Variants in DLAT observed in about 807,000 individuals in gnomAD.
DLAT encodes dihydrolipoamide S-acetyltransferase.
A neutral mutation model predicts 68.0 loss-of-function variants in DLAT; 43 were observed. The observed-to-expected ratio is 0.63, with a 90% CI of 0.50 to 0.81. The LOEUF (loss-of-function observed/expected upper bound fraction) is 0.81, where lower values mean the gene tolerates loss of function less well. Ranked by LOEUF, DLAT falls within the 40% of genes least tolerant of loss-of-function variation. DLAT has a pLI of 0.00. For synonymous variants in DLAT, 265 were observed against 288.6 expected, an observed-to-expected ratio of 0.92 and a Z score of 0.83; for missense variants, 745 against 815.4, an observed-to-expected ratio of 0.91 and a Z score of 1.05.
Position 112,026,238 on chromosome 11 carries a change from C to T in DLAT, c.320C>T (p.Thr107Ile), listed in dbSNP as rs782686992. The change falls in exon 2 of 14, where the codon ACC (threonine) becomes ATC (isoleucine). Residue 107 changes from threonine (T) to isoleucine (I), a missense_variant. Transcript: ENST00000280346. ...CTTTCCCCCACAATGCAGGCAGGCA[C>T]CATAGCCCGTTGGGAAAAAAAAGAG... ...PSLSPTMQAG[T>I]IARWEKKEGD... 8.6e-5 allele frequency: 138 copies of T among 1,611,894 alleles called. No homozygotes were observed. Among genetic ancestry groups the T allele is most frequent in the Non-Finnish European group, 1.1e-4 (134 of 1,179,094 alleles).
intron 11 of DLAT, among the ~76,000 whole-genome samples, chr11:112,053,491 C>T (rs1449668725): frequency 2.0e-5 from 3 of 151,772 alleles, no homozygotes; most frequent in Admixed American, 6.6e-5. Flanking sequence ...CTCTTTCTGT[C>T]GCCTAGGCTA....
chr11:112,052,152 CT>C (rs1351476167), intron 11 of DLAT, among the ~76,000 whole-genome samples: 5 of 152,144 alleles, frequency 3.3e-5, no homozygotes, highest in African/African-American at 1.2e-4. Flanking sequence ...AAAAAACAAA[CT>C]TTTTTCCTTT....
chr11:112,027,828 G>A (rs1862152980), intron 2 of DLAT, among the ~76,000 whole-genome samples: 1 of 151,416 alleles, frequency 6.6e-6, no homozygotes, highest in Non-Finnish European at 1.5e-5. Context: ...CAGGGAGGTT[G>A]CAGTGAGCCG....
At chr11:112,052,698 A>G (rs1863725387) in intron 11 of DLAT, among the ~76,000 whole-genome samples, 1 of 152,064 alleles carries the variant, frequency 6.6e-6, no homozygotes, top group Non-Finnish European at 1.5e-5. Flanking sequence ...CTGGGGAGAA[A>G]AAGGAAAGGA....
chr11:112,038,219 G>A (rs2137757675), intron 6 of DLAT, among the ~76,000 whole-genome samples: 1 of 152,206 alleles, frequency 6.6e-6, no homozygotes, highest in South Asian at 2.1e-4. Context: ...TTGTTGTTGA[G>A]ACGGAGTCTT....
At chr11:112,048,843 G>C (rs1863464825) in intron 10 of DLAT, among the ~76,000 whole-genome samples, 1 of 151,828 alleles carries the variant, frequency 6.6e-6, no homozygotes, top group East Asian at 1.9e-4. Context: ...CTATTTCCAG[G>C]TTCTTAATTC....
At chr11:112,044,041 C>A (rs1388026032) in intron 8 of DLAT, among the ~76,000 whole-genome samples, 2 of 152,146 alleles carry the variant, frequency 1.3e-5, no homozygotes, top group Non-Finnish European at 2.9e-5. Flanking sequence ...CATTTATATA[C>A]AAGATCAAAG....
chr11:112,040,952 C>A (rs1043955852), intron 7 of DLAT, among the ~76,000 whole-genome samples: 1 of 151,724 alleles, frequency 6.6e-6, no homozygotes, highest in Admixed American at 6.6e-5. Flanking sequence ...AAGAAAATCC[C>A]ACTGTTCTTA....
At chr11:112,036,387 AT>A (rs1211158822) in intron 5 of DLAT, among the ~76,000 whole-genome samples, 1 of 149,384 alleles carries the variant, frequency 6.7e-6, no homozygotes, top group Non-Finnish European at 1.5e-5. Context: ...CTAATTTTGT[AT>A]TTTTAGTAGA....
Position 112,032,939 on chromosome 11 carries a change from C to G in DLAT, c.661-465C>G, listed in dbSNP as rs1200847080. ...AAATTAGTGGGCATGATGGCACCCG[C>G]CTGTAATCCAGCTACTCGGGAGGCT... On this transcript the variant is annotated intron_variant, in intron 4 of 13. Transcript: ENST00000280346. Among the ~76,000 whole-genome samples the G allele has an allele frequency of 2.6e-5, 4 of 152,096 alleles. No homozygotes were observed. The East Asian group carries it at 7.7e-4, about 29-fold the overall frequency.
chr11:112,033,597 C>G, intron 5 of DLAT, 67 bp downstream of exon 5: 1 of 1,574,778 alleles, frequency 6.4e-7, no homozygotes, highest in Non-Finnish European at 8.7e-7. Context: ...GATTGCCATT[C>G]TTTCCTATAA....
chr11:112,031,890 T>G (rs1232155514), intron 4 of DLAT, among the ~76,000 whole-genome samples: 3 of 102,340 alleles, frequency 2.9e-5, no homozygotes, highest in South Asian at 7.4e-4. Context: ...TTCCTGTTTT[T>G]TTTTTTTTTT....
At chr11:112,026,096 C>G (rs1427267820) in intron 1 of DLAT, 102 bp from the exon 2 acceptor site, 1 of 958,540 alleles carries the variant, frequency 1.0e-6, no homozygotes, top group East Asian at 2.6e-5. Flanking sequence ...TGCAATGGAA[C>G]TGTATACACT....
At chr11:112,027,893 A>G (rs1862159086) in intron 2 of DLAT, among the ~76,000 whole-genome samples, 1 of 150,172 alleles carries the variant, frequency 6.7e-6, no homozygotes, top group Admixed American at 6.6e-5. Flanking sequence ...GACCGTGGAA[A>G]GAGAGGGAGA....
At position 112,025,632 on chromosome 11, in the gene DLAT, G is replaced by T. The variant is rs782529801; in HGVS notation, c.160G>T (p.Gly54Trp). Reference sequence around the variant, plus strand: ...CAACAGCGTGACTACAGGGTATGGCGGGGTCCGGGCACTGTGCGGCTGGAC... The same window carrying T: ...CAACAGCGTGACTACAGGGTATGGCTGGGTCCGGGCACTGTGCGGCTGGAC... ...RRNSVTTGYG[G>W]VRALCGWTPS... Residue 54 changes from glycine to tryptophan, a missense_variant, in exon 1 of 14, where the codon GGG becomes TGG. Coordinates refer to ENST00000280346, the MANE Select transcript of DLAT (RefSeq NM_001931.5). The T allele has an allele frequency of 4.3e-6, 7 of 1,613,536 alleles. No homozygotes were observed. The Admixed American group carries it at 8.3e-5, about 19-fold the overall frequency.
chr11:112,027,388 C>T (rs1340095355), intron 2 of DLAT, among the ~76,000 whole-genome samples: 2 of 151,466 alleles, frequency 1.3e-5, no homozygotes, highest in Non-Finnish European at 1.5e-5. Context: ...GGATGGCAGC[C>T]GGGCAGAGAC....
chr11:112,041,651 G>A (rs1308764095), intron 7 of DLAT, among the ~76,000 whole-genome samples: 2 of 152,196 alleles, frequency 1.3e-5, no homozygotes. Flanking sequence ...GGGAGGCCGA[G>A]GCAGGTGGAT....
intron 10 of DLAT, among the ~76,000 whole-genome samples, chr11:112,049,736 G>A (rs1863512255): frequency 6.6e-6 from 1 of 151,850 alleles, no homozygotes. Context: ...GATCTATATT[G>A]ACCTTGTATC....
intron 9 of DLAT, among the ~76,000 whole-genome samples, chr11:112,045,585 C>T (rs368316347): frequency 2.6e-5 from 4 of 151,684 alleles, no homozygotes; most frequent in Non-Finnish European, 4.4e-5. Context: ...GTACTCGGGA[C>T]GCTGAGGCAG....
Sources: gnomAD v4.1 joint callset for allele counts (sites outside exome capture counted in the v4.1 genomes callset) on GRCh38, gnomAD v4.1.1 for gene constraint, MANE v1.5 for transcripts, NCBI Gene and HGNC (gene_info 2026-07-23, HGNC 2026-07-21) for gene names.